PLSCR2: variants seen among roughly 807,000 people sequenced by gnomAD.
PLSCR2 encodes PL scramblase 2.
Under a neutral mutation model 25.3 loss-of-function variants are expected in PLSCR2, and 18 were observed. The ratio of observed to expected loss-of-function variants is 0.71; its 90% CI spans 0.49 to 1.06. The LOEUF is 1.06. Among genes scored for constraint, PLSCR2 ranks in the 50% least tolerant of loss-of-function variants. The probability of loss-of-function intolerance (pLI) is 0.00; values close to 1 mark genes in which losing one functional copy is unlikely to be tolerated. For missense variants in PLSCR2, 243 were observed against 269.5 expected, an observed-to-expected ratio of 0.90 and a Z score of 0.69; for synonymous variants, 88 against 87.3, an observed-to-expected ratio of 1.01 and a Z score of -0.04.
chr3:146,426,365 A>G (rs1247670373), intron 2 of PLSCR2, among the ~76,000 whole-genome samples: 1 of 150,998 alleles, frequency 6.6e-6, no homozygotes, highest in Non-Finnish European at 1.5e-5. Context: ...TATTCTACCT[A>G]TTGGACTGGT....
chr3:146,467,722 T>C (rs1174912181), intron 1 of PLSCR2, among the ~76,000 whole-genome samples: 1 of 151,956 alleles, frequency 6.6e-6, no homozygotes. Context: ...TATGGAGTCA[T>C]TGATTTAGTT....
chr3:146,393,307 C>T (rs1340031472), intron 3 of PLSCR2, among the ~76,000 whole-genome samples: 5 of 151,244 alleles, frequency 3.3e-5, no homozygotes, highest in East Asian at 4.0e-4. Flanking sequence ...GGATTACAGG[C>T]GTGAGCCACC....
chr3:146,469,785 C>CA (rs1560040730), intron 1 of PLSCR2, among the ~76,000 whole-genome samples: 2 of 115,726 alleles, frequency 1.7e-5, no homozygotes, highest in African/African-American at 6.4e-5. Flanking sequence ...CACCCACCCC[C>CA]CCACGCCGTG....
At chr3:146,484,454 T>C (rs1008845636) in intron 1 of PLSCR2, among the ~76,000 whole-genome samples, 2 of 151,944 alleles carry the variant, frequency 1.3e-5, no homozygotes, top group Non-Finnish European at 2.9e-5. Context: ...ATTAAGATGC[T>C]TTATGAAAAG....
intron 3 of PLSCR2, among the ~76,000 whole-genome samples, chr3:146,392,887 AATTT>A (rs2038131950): frequency 6.9e-6 from 1 of 145,752 alleles, no homozygotes; most frequent in South Asian, 2.2e-4. Context: ...TTAGCTAATT[AATTT>A]AGCTTATTAA....
In PLSCR2 at chr3:146,458,481, G is replaced by T; in HGVS notation, c.58-28C>A. ...ATTATAGTAAAAAGAAAATGAAGTT[G>T]TATGTCAAATATTTTATAGAGAACT... On this transcript the variant is annotated intron_variant, in intron 2 of 6. Coordinates refer to ENST00000610787, the Ensembl canonical transcript of PLSCR2. 9.5e-6 allele frequency: 13 copies of T among 1,363,294 alleles called. No individual in the cohort carries two copies. In the Middle Eastern group the frequency reaches 6.4e-4, roughly 68 times the overall value. The allele number at this position is 1,363,294 out of a possible 1,614,324, so 84.4% of individuals were successfully genotyped here.
intron 6 of PLSCR2, among the ~76,000 whole-genome samples, chr3:146,446,617 A>G (rs2108285925): frequency 6.6e-6 from 1 of 152,314 alleles, no homozygotes; most frequent in South Asian, 2.1e-4. Flanking sequence ...AAGCCAGCAC[A>G]GCACTGGATT....
At chr3:146,476,897 C>T (rs2042305633) in intron 1 of PLSCR2, among the ~76,000 whole-genome samples, 1 of 152,226 alleles carries the variant, frequency 6.6e-6, no homozygotes, top group Non-Finnish European at 1.5e-5. Flanking sequence ...GTCATGGTCT[C>T]CATGGACCAG....
chr3:146,406,471 C>A (rs1196770155), intron 2 of PLSCR2, among the ~76,000 whole-genome samples: 1 of 152,052 alleles, frequency 6.6e-6, no homozygotes, highest in Non-Finnish European at 1.5e-5. Flanking sequence ...AAGGAGACTT[C>A]CTTGGAGGTA....
intron 1 of PLSCR2, among the ~76,000 whole-genome samples, chr3:146,482,786 T>C (rs1486264228): frequency 6.6e-6 from 1 of 152,174 alleles, no homozygotes; most frequent in Non-Finnish European, 1.5e-5. Flanking sequence ...GTATATTTAT[T>C]GCAGCACTAT....
chr3:146,451,107 C>CTTTTTTTTTTTTTTTTTTTTTTTTTTT (rs58373001), intron 5 of PLSCR2, among the ~76,000 whole-genome samples: 3 of 79,482 alleles, frequency 3.8e-5, no homozygotes, highest in Non-Finnish European at 7.0e-5. Context: ...ATTAAGTTTT[C>CTTTTTTTTTTTTTTTTTTTTTTTTTTT]TTTTTTTTTT....
intron 3 of PLSCR2, among the ~76,000 whole-genome samples, chr3:146,394,447 G>C (rs2038205589): frequency 6.6e-6 from 1 of 151,890 alleles, no homozygotes; most frequent in Non-Finnish European, 1.5e-5. Context: ...TGTATTTTTA[G>C]TAGAGACGGG....
intron 1 of PLSCR2, among the ~76,000 whole-genome samples, chr3:146,487,724 AT>A (rs1381048625): frequency 6.6e-6 from 1 of 152,194 alleles, no homozygotes; most frequent in African/African-American, 2.4e-5. Context: ...AAGAATCAAT[AT>A]CATAAAAATG....
intron 2 of PLSCR2, among the ~76,000 whole-genome samples, chr3:146,411,604 A>G (rs1166935374): frequency 6.6e-6 from 1 of 152,114 alleles, no homozygotes; most frequent in East Asian, 1.9e-4. Context: ...GGGGCCCCCA[A>G]ATGTTGTACT....
intron 1 of PLSCR2, among the ~76,000 whole-genome samples, chr3:146,494,362 A>C (rs77502151): frequency 8.5e-4 from 130 of 152,292 alleles, no homozygotes; most frequent in African/African-American, 3.0e-3. Flanking sequence ...AAAATCCCAG[A>C]TATGTATGTA....
At chr3:146,430,708 G>A (rs1224129302), downstream of PLSCR2, among the ~76,000 whole-genome samples, 2 of 151,848 alleles carry the variant, frequency 1.3e-5, no homozygotes, top group African/African-American at 2.4e-5. Context: ...GTTCTTTTTT[G>A]TTCCTATCCT....
chr3:146,458,385 C>A, intron 3 of PLSCR2, 26 bp downstream of exon 3: 1 of 1,482,506 alleles, frequency 6.7e-7, no homozygotes, highest in Non-Finnish European at 9.1e-7. Context: ...CTTTTTAGAA[C>A]TATGAGCAAT....
At chr3:146,494,206 C>T (rs1275540985) in intron 1 of PLSCR2, among the ~76,000 whole-genome samples, 1 of 151,842 alleles carries the variant, frequency 6.6e-6, no homozygotes, top group East Asian at 1.9e-4. Flanking sequence ...ATTTTTGGAG[C>T]CCTTATTCTG....
chr3:146,405,554 G>A (rs1333787056), intron 2 of PLSCR2, among the ~76,000 whole-genome samples: 1 of 152,116 alleles, frequency 6.6e-6, no homozygotes, highest in East Asian at 1.9e-4. Context: ...AACAAGGTTA[G>A]GCATTACATT....
Sources: gnomAD v4.1 joint callset for allele counts (sites outside exome capture counted in the v4.1 genomes callset) on GRCh38, gnomAD v4.1.1 for gene constraint, MANE v1.5 for transcripts, NCBI Gene and HGNC (gene_info 2026-07-23, HGNC 2026-07-21) for gene names.